POLE: variants seen among roughly 807,000 people sequenced by gnomAD.
The protein encoded by POLE is DNA polymerase epsilon catalytic subunit A.
In POLE, 188 loss-of-function variants were observed where a neutral mutation model predicts 279.2. The observed-to-expected ratio is 0.67, with a 90% CI of 0.60 to 0.76. The LOEUF is 0.76. Ranked by LOEUF, POLE falls within the 30% of genes least tolerant of loss-of-function variation. The pLI, the probability that POLE is intolerant of heterozygous loss-of-function variation, is 0.00. For synonymous variants in POLE, 1,214 were observed against 1,172.5 expected, an observed-to-expected ratio of 1.04 and a Z score of -0.72; for missense variants, 2,703 against 3,016.7, an observed-to-expected ratio of 0.90 and a Z score of 2.44.
chr12:132,677,869 T>G (rs113803652), intron 6 of POLE, 150 bp from the exon 7 acceptor site: 1 of 747,950 alleles, frequency 1.3e-6, no homozygotes. Context: ...ACCAAGGCAG[T>G]CCTTCCTTTA....
rs538802010 is a variant in POLE at position 132,629,956 on chromosome 12, T to G, written c.6330+2359A>C. Among the ~76,000 whole-genome samples, 353 of 152,280 alleles carry G rather than the reference T, an allele frequency of 2.3e-3. 2 individuals carry two copies. Among genetic ancestry groups the G allele is most frequent in the African/African-American group, 8.3e-3 (344 of 41,552 alleles). On this transcript the variant is annotated intron_variant, in intron 45 of 48. Transcript: ENST00000320574. ...TAGAGGCCATTGCAGGGCTATTAAC[T>G]TACCTAATTTCTATAGTGTTGTGTC... is the stretch of plus-strand genomic sequence containing the variant.
chr12:132,652,829 G>A (rs761647551), intron 29 of POLE, among the ~76,000 whole-genome samples: 17 of 152,072 alleles, frequency 1.1e-4, no homozygotes, highest in Non-Finnish European at 1.9e-4. Flanking sequence ...AGTGTGTCTC[G>A]TTACATAGTA....
intron 1 of POLE, among the ~76,000 whole-genome samples, chr12:132,686,024 C>A (rs2043253681): frequency 6.6e-6 from 1 of 151,956 alleles, no homozygotes; most frequent in African/African-American, 2.4e-5. Flanking sequence ...TACAGGCATG[C>A]GCCACCACGC....
In POLE at chr12:132,634,341, T is replaced by TG. The variant is rs778914078; in HGVS notation, c.5848dup (p.Gln1950ProfsTer4). On this transcript the variant is annotated frameshift_variant, in exon 43 of 49. Coordinates refer to ENST00000320574, the MANE Select transcript of POLE (RefSeq NM_006231.4). LOFTEE classifies it high-confidence loss of function. The surrounding 1 kb of genome is among the most constrained non-coding windows in gnomAD (Gnocchi z 4.0). ...TTCCTCCTCATCGTCCTCATTTTCCTGCTCATCCTCTGCTCCCCCTGCTTT... is the reference window on the plus strand; with the variant it reads ...TTCCTCCTCATCGTCCTCATTTTCCTGGCTCATCCTCTGCTCCCCCTGCTTT... 1.2e-6 allele frequency: 2 copies of TG among 1,614,078 alleles called. No individual in the cohort carries two copies. Among genetic ancestry groups the TG allele is most frequent in the South Asian group, 1.1e-5 (1 of 91,074 alleles).
At position 132,673,290 on chromosome 12, in the gene POLE, C is replaced by T. The variant is rs149689764; in HGVS notation, c.1360-13G>A. ...ACGTGGCCAGAGTCTGAGGAGAGAACGCCAGAGAGCAGGGCCATCAAAAAT... is the reference window on the plus strand; with the variant it reads ...ACGTGGCCAGAGTCTGAGGAGAGAATGCCAGAGAGCAGGGCCATCAAAAAT... On this transcript the variant is annotated splice_polypyrimidine_tract_variant and intron_variant, in intron 13 of 48. Coordinates refer to ENST00000320574, the MANE Select transcript of POLE (RefSeq NM_006231.4). 87 of 1,542,256 alleles carry T rather than the reference C, an allele frequency of 5.6e-5. No homozygotes were observed. The highest frequency in any genetic ancestry group is 6.4e-5 in the Non-Finnish European group (71 of 1,114,508).
At chr12:132,655,609 C>T (rs1005880860) in intron 29 of POLE, among the ~76,000 whole-genome samples, 1 of 152,098 alleles carries the variant, frequency 6.6e-6, no homozygotes, top group Admixed American at 6.6e-5. Flanking sequence ...GTAAATTCTT[C>T]TTATAATTAG....
chr12:132,679,423 G>A, intron 6 of POLE, 74 bp downstream of exon 6: 1 of 1,428,834 alleles, frequency 7.0e-7, no homozygotes, highest in Non-Finnish European at 9.6e-7. Flanking sequence ...TAACTTTGTT[G>A]CTACGTGTTC....
At position 132,632,728 on chromosome 12, in the gene POLE, G is replaced by T; in HGVS notation, c.6072C>A (p.Pro2024=). ...GCTGGCTGGCCCCCCTCCTCCTCAC[G>T]GGGGTGCTCCCTGGAGCACTGCGCC... is the stretch of plus-strand genomic sequence containing the variant. ...GLRRSAPGST[P]VRRRGASQLS... Residue 2024 remains proline (P), a synonymous_variant, in exon 44 of 49, where the codon CCC becomes CCA. Coordinates refer to ENST00000320574, the MANE Select transcript of POLE (RefSeq NM_006231.4). 1 of 1,613,416 alleles carries T rather than the reference G, an allele frequency of 6.2e-7. No individual in the cohort carries two copies. Among genetic ancestry groups the T allele is most frequent in the East Asian group, 2.2e-5 (1 of 44,854 alleles).
chr12:132,685,878 A>ATT (rs200263950), intron 1 of POLE, among the ~76,000 whole-genome samples: 29 of 143,456 alleles, frequency 2.0e-4, no homozygotes, highest in Non-Finnish European at 3.2e-4. Flanking sequence ...CGTTTTTTCT[A>ATT]TTTTTTTTTT....
At chr12:132,679,706 TGAGAGGG>T in intron 5 of POLE, 55 bp from the exon 6 acceptor site, 1 of 1,565,994 alleles carries the variant, frequency 6.4e-7, no homozygotes, top group South Asian at 1.1e-5. Context: ...ACTTTATGGG[TGAGAGGG>T]TAAACACTCA....
intron 32 of POLE, chr12:132,648,549 T>C (rs1375014272): frequency 5.6e-6 from 1 of 178,224 alleles, no homozygotes; most frequent in Non-Finnish European, 1.2e-5. Flanking sequence ...GCAATAGTCA[T>C]GCCACTAAAA....
chr12:132,681,578 T>C (rs1406517078), intron 1 of POLE, among the ~76,000 whole-genome samples: 1 of 151,994 alleles, frequency 6.6e-6, no homozygotes, highest in Non-Finnish European at 1.5e-5. Context: ...CTCCTGACCT[T>C]GTGATCCGAC....
rs536226964 is a variant in POLE, at chr12:132,644,144, C to G, written c.4150-167G>C. Among the ~76,000 whole-genome samples the G allele has an allele frequency of 1.2e-4, 18 of 152,206 alleles. No individual in the cohort carries two copies. In the East Asian group the frequency reaches 3.5e-3, roughly 29 times the overall value. ...CTCTCAATGATTACAACTAAAAACTCTGGATGTAATTTTTATGTTATTTAT... is the reference window on the plus strand; with the variant it reads ...CTCTCAATGATTACAACTAAAAACTGTGGATGTAATTTTTATGTTATTTAT... On this transcript the variant is annotated intron_variant, in intron 32 of 48. Transcript: ENST00000320574.
rs1000859820 is a variant in POLE at position 132,649,184 on chromosome 12, G to C, written c.4006-112C>G. 35 of 1,498,012 alleles carry C rather than the reference G, an allele frequency of 2.3e-5. No individual in the cohort carries two copies. The East Asian group carries it at 7.7e-4, about 33-fold the overall frequency. 92.8% of individuals were successfully genotyped at this position (1,498,012 alleles called of 1,614,324 possible). ...AGCACAGGGCCTTAGGCCTCCCTAC[G>C]ATGGGCAGGAAACTCCAGGCCCACT... On this transcript the variant is annotated intron_variant, in intron 31 of 48. Transcript: ENST00000320574.
At chr12:132,636,125 A>G (rs2042027634) in intron 41 of POLE, 101 bp from the exon 42 acceptor site, 1 of 1,229,148 alleles carries the variant, frequency 8.1e-7, no homozygotes, top group African/African-American at 1.5e-5. Context: ...CACTTACTTA[A>G]CACTGAATTT....
intron 32 of POLE, 40 bp downstream of exon 32, chr12:132,648,889 T>C (rs777311222): frequency 6.3e-7 from 1 of 1,580,572 alleles, no homozygotes; most frequent in South Asian, 1.2e-5. Context: ...CACCTCAGGC[T>C]GCCCAGATGA....
intron 45 of POLE, among the ~76,000 whole-genome samples, chr12:132,627,952 G>T: frequency 6.6e-6 from 1 of 152,238 alleles, no homozygotes; most frequent in East Asian, 1.9e-4. Flanking sequence ...TTCAAAATTG[G>T]AGTCGGTCCT....
At position 132,642,676 on chromosome 12, in the gene POLE, C is replaced by G; in HGVS notation, c.4782G>C (p.Lys1594Asn). The stretch of plus-strand genomic sequence containing the variant: ...AGACAGGAATTTCACTGGCCAGCCT[C>G]TTCAGCTCCCAGCTGGACTGAACAG... ...LIAVQSSWEL[K>N]RLASEIPVLE... Residue 1594 changes from lysine to asparagine, a missense_variant, in exon 37 of 49, where the codon AAG becomes AAC. Around this residue, in one of 5 missense-constraint regions of POLE, gnomAD observed 1,551 missense variants for 1,686.1 expected, o/e 0.92. Coordinates refer to ENST00000320574, the MANE Select transcript of POLE (RefSeq NM_006231.4). The G allele has an allele frequency of 6.2e-7, 1 of 1,613,896 alleles. No homozygotes were observed. The highest frequency in any genetic ancestry group is 1.1e-5 in the South Asian group (1 of 91,092).
intron 21 of POLE, 126 bp downstream of exon 21, chr12:132,665,176 C>T (rs1267245115): frequency 3.8e-6 from 4 of 1,053,470 alleles, no homozygotes; most frequent in African/African-American, 1.6e-5. Context: ...CCAAAGCCTT[C>T]TCCCTCCAAC....
Sources: gnomAD v4.1 joint callset for allele counts (sites outside exome capture counted in the v4.1 genomes callset) on GRCh38, gnomAD v4.1.1 for gene constraint, gnomAD v4.1.1 regional missense constraint, Gnocchi (gnomAD v3.1) non-coding constraint, MANE v1.5 for transcripts, NCBI Gene and HGNC (gene_info 2026-07-23, HGNC 2026-07-21) for gene names.